AOPEP: variants seen among roughly 807,000 people sequenced by gnomAD.
AOPEP encodes the protein aminopeptidase O (putative), also known as aminopeptidase O.
In AOPEP, 77 loss-of-function variants were observed where a neutral mutation model predicts 98.1. That is an observed-to-expected ratio of 0.78 (90% CI 0.65 to 0.95). The LOEUF (loss-of-function observed/expected upper bound fraction) is 0.95, where lower values mean the gene tolerates loss of function less well. Ranked by LOEUF, AOPEP falls within the 40% of genes least tolerant of loss-of-function variation. AOPEP has a pLI of 0.00. For synonymous variants in AOPEP, 346 were observed against 365.3 expected (o/e 0.95, Z 0.60); for missense variants, 1,024 against 1,024.7 (o/e 1.00, Z 0.01).
At chr9:94,962,855 T>C (rs559732066) in intron 9 of AOPEP, among the ~76,000 whole-genome samples, 7 of 151,926 alleles carry the variant, frequency 4.6e-5, no homozygotes, top group African/African-American at 1.7e-4. Flanking sequence ...GCCATTCTCC[T>C]GCCTCAGCCT....
At chr9:94,897,985 G>A (rs148500568) in intron 5 of AOPEP, among the ~76,000 whole-genome samples, 15 of 151,962 alleles carry the variant, frequency 9.9e-5, no homozygotes, top group East Asian at 1.9e-4. Flanking sequence ...GATTACAAGC[G>A]CGCACCACCA....
the AOPEP span, among the ~76,000 whole-genome samples, chr9:95,147,837 C>A: frequency 6.6e-6 from 1 of 152,194 alleles, no homozygotes; most frequent in Non-Finnish European, 1.5e-5. Flanking sequence ...TTCTGCCTTA[C>A]AATAGAATCT....
At chr9:94,941,794 A>AT (rs1168505629) in intron 7 of AOPEP, among the ~76,000 whole-genome samples, 1 of 152,070 alleles carries the variant, frequency 6.6e-6, no homozygotes, top group Non-Finnish European at 1.5e-5. Flanking sequence ...TTGGTGTTTC[A>AT]TTTTTGCAAT....
chr9:94,999,843 C>T (rs2061450082), intron 11 of AOPEP, among the ~76,000 whole-genome samples: 1 of 151,996 alleles, frequency 6.6e-6, no homozygotes, highest in Non-Finnish European at 1.5e-5. Context: ...TTCTAAGGAG[C>T]TGATAGCACC....
intron 7 of AOPEP, among the ~76,000 whole-genome samples, chr9:94,949,604 A>G (rs1274102132): frequency 6.6e-6 from 1 of 152,198 alleles, no homozygotes; most frequent in Non-Finnish European, 1.5e-5. Flanking sequence ...GGTAGCTGTT[A>G]AATCCATTTT....
chr9:94,819,970 G>C (rs1852672330), intron 5 of AOPEP, among the ~76,000 whole-genome samples: 1 of 112,516 alleles, frequency 8.9e-6, no homozygotes, highest in African/African-American at 2.9e-5. Context: ...TTTTGAGATG[G>C]AGTCTCGCTT....
At chr9:94,937,134 C>G (rs2056389639) in intron 7 of AOPEP, among the ~76,000 whole-genome samples, 1 of 152,204 alleles carries the variant, frequency 6.6e-6, no homozygotes, top group African/African-American at 2.4e-5. Flanking sequence ...GGCTGAAAGT[C>G]CCAACCCTCT....
At chr9:94,765,695 AG>A (rs1304077011) in intron 2 of AOPEP, among the ~76,000 whole-genome samples, 1 of 152,034 alleles carries the variant, frequency 6.6e-6, no homozygotes, top group Non-Finnish European at 1.5e-5. Context: ...ACCATGTGGC[AG>A]GGTTCTCTGG....
chr9:95,086,827 C>T lies in AOPEP; in HGVS notation c.*150C>T. ...GTTCACATCTTGGTGCTTCTCTTTC[C>T]CAGAGGCTGGTCCCAGCCAGGCACA... On this transcript the variant is annotated 3_prime_UTR_variant, in exon 17 of 17. Coordinates refer to ENST00000375315, the MANE Select transcript of AOPEP (RefSeq NM_001193329.3). The T allele has an allele frequency of 2.0e-6, 2 of 987,964 alleles. No homozygotes were observed. The highest frequency in any genetic ancestry group is 3.5e-5 in the African/African-American group (2 of 57,408). 61.2% of individuals were successfully genotyped at this position (987,964 alleles called of 1,614,324 possible). A position where few individuals can be genotyped will look rare whatever the true frequency, so the allele number is the denominator to read the frequency against.
intron 6 of AOPEP, 88 bp from the exon 7 acceptor site, chr9:94,928,337 C>T: frequency 1.1e-6 from 1 of 911,926 alleles, no homozygotes; most frequent in South Asian, 1.6e-5. Context: ...TATCTTGTCC[C>T]CCATTGAAAC....
intron 5 of AOPEP, among the ~76,000 whole-genome samples, chr9:94,906,486 A>ATAATAATAATAATAAT (rs1564358999): frequency 4.8e-4 from 72 of 149,926 alleles, no homozygotes; most frequent in Non-Finnish European, 8.7e-4. Context: ...TAATAATAAA[A>ATAATAATAATAATAAT]AAACAGACCC....
downstream of AOPEP, among the ~76,000 whole-genome samples, chr9:95,090,616 TGG>T (rs1224735446): frequency 3.9e-5 from 6 of 152,200 alleles, no homozygotes; most frequent in Middle Eastern, 3.4e-3. Context: ...GCCAGCACCC[TGG>T]GGCCGGCCTA....
At chr9:94,992,073 C>T (rs922405722) in intron 11 of AOPEP, among the ~76,000 whole-genome samples, 1 of 152,240 alleles carries the variant, frequency 6.6e-6, no homozygotes, top group African/African-American at 2.4e-5. Context: ...CACAAGCACA[C>T]TTCCAACCAG....
chr9:94,927,016 C>T (rs1011010812), intron 6 of AOPEP, among the ~76,000 whole-genome samples: 2 of 152,190 alleles, frequency 1.3e-5, no homozygotes, highest in Non-Finnish European at 2.9e-5. Context: ...AATTAAACAA[C>T]AGACGTTTAT....
chr9:94,748,556 A>C (rs1029801682), intron 1 of AOPEP, among the ~76,000 whole-genome samples: 5 of 152,212 alleles, frequency 3.3e-5, no homozygotes, highest in Admixed American at 2.0e-4. Context: ...TTAAACTAAA[A>C]ATGTAGCCCT....
intron 4 of AOPEP, among the ~76,000 whole-genome samples, chr9:94,794,678 C>G (rs1051520618): frequency 1.8e-4 from 28 of 152,222 alleles, no homozygotes; most frequent in African/African-American, 6.7e-4. Flanking sequence ...TTAGATTTTA[C>G]TTCTGTATTC....
chr9:94,730,750 A>C (rs1365543034), intron 1 of AOPEP, among the ~76,000 whole-genome samples: 1 of 152,222 alleles, frequency 6.6e-6, no homozygotes, highest in African/African-American at 2.4e-5. Flanking sequence ...ACTAGTTTTC[A>C]ACCTTAGTTT....
intron 4 of AOPEP, among the ~76,000 whole-genome samples, chr9:94,797,512 A>G (rs569211948): frequency 1.3e-5 from 2 of 152,208 alleles, no homozygotes; most frequent in South Asian, 2.1e-4. Flanking sequence ...GTGCTGAGTT[A>G]TCATAGAATC....
At chr9:94,841,307 G>C (rs567653610) in intron 5 of AOPEP, among the ~76,000 whole-genome samples, 1 of 152,202 alleles carries the variant, frequency 6.6e-6, no homozygotes, top group East Asian at 1.9e-4. Context: ...GAGTAGCTGG[G>C]ACTACAGGCG....
Sources: gnomAD v4.1 joint callset for allele counts (sites outside exome capture counted in the v4.1 genomes callset) on GRCh38, gnomAD v4.1.1 for gene constraint, MANE v1.5 for transcripts, NCBI Gene and HGNC (gene_info 2026-07-23, HGNC 2026-07-21) for gene names.